Variants in ACTN1 observed in about 807,000 individuals in gnomAD.
ACTN1 encodes the protein actinin alpha 1.
In ACTN1, 30 loss-of-function variants were observed where a neutral mutation model predicts 119.6. That is an observed-to-expected ratio of 0.25 (90% CI 0.19 to 0.34). The LOEUF (loss-of-function observed/expected upper bound fraction) is 0.34, where lower values mean the gene tolerates loss of function less well. Among genes scored for constraint, ACTN1 ranks in the 10% least tolerant of loss-of-function variants. ACTN1 has a pLI of 1.00. For synonymous variants in ACTN1, 429 were observed against 472.6 expected, an observed-to-expected ratio of 0.91 and a Z score of 1.20; for missense variants, 764 against 1,223.4, an observed-to-expected ratio of 0.62 and a Z score of 5.60.
Position 68,925,698 on chromosome 14 carries a change from G to C in ACTN1, c.106-26C>G, listed in dbSNP as rs369068122. On this transcript the variant is annotated intron_variant, in intron 1 of 21. Coordinates refer to ENST00000394419, the MANE Select transcript of ACTN1 (RefSeq NM_001130004.2). The surrounding 1 kb of genome is among the most constrained non-coding windows in gnomAD (Gnocchi z 4.3). Reference sequence around the variant, plus strand: ...CTGGGCAGAGACAAGAAGGGCAAGTGGTCAGGGGGCTGGTGTTGTCACCCT... The same window carrying C: ...CTGGGCAGAGACAAGAAGGGCAAGTCGTCAGGGGGCTGGTGTTGTCACCCT... 1.3e-6 allele frequency: 2 copies of C among 1,586,580 alleles called. No homozygotes were observed. The highest frequency in any genetic ancestry group is 2.7e-5 in the African/African-American group (2 of 74,212).
chr14:68,882,630 C>A lies in ACTN1; in HGVS notation c.1819-38G>T, dbSNP rs1210968774. On this transcript the variant is annotated intron_variant, in intron 15 of 21. Coordinates refer to ENST00000394419, the MANE Select transcript of ACTN1 (RefSeq NM_001130004.2). The surrounding 1 kb of genome is among the most constrained non-coding windows in gnomAD (Gnocchi z 4.5). ...CAACAAGGCGACTTTCAGGATGGGTCAGCCATCTGTCCATGTGCCAGATGA... is the reference window on the plus strand; with the variant it reads ...CAACAAGGCGACTTTCAGGATGGGTAAGCCATCTGTCCATGTGCCAGATGA... 3 of 1,611,912 alleles carry A rather than the reference C, an allele frequency of 1.9e-6. No homozygotes were observed. Among genetic ancestry groups the A allele is most frequent in the African/African-American group, 1.3e-5 (1 of 75,030 alleles).
chr14:68,909,126 A>C lies in ACTN1; in HGVS notation c.594+192T>G, dbSNP rs17106531. 0.021 allele frequency among the ~76,000 whole-genome samples: 3,211 copies of C among 152,314 alleles called. 122 individuals are homozygous for C. Among genetic ancestry groups the C allele is most frequent in the African/African-American group, 0.072 (3,008 of 41,566 alleles). On this transcript the variant is annotated intron_variant, in intron 6 of 21. Transcript: ENST00000394419. This position sits in a 1 kb window ranked among gnomAD's most constrained non-coding sequence, Gnocchi z 4.1. ...GTGCAAGTACACACACACCACGCAC[A>C]AGGGTAATGAAGTTGCCCTAACAGG...
intron 1 of ACTN1, among the ~76,000 whole-genome samples, chr14:68,960,794 G>A (rs1037716997): frequency 6.6e-6 from 1 of 151,968 alleles, no homozygotes. Context: ...CTGAAGGAAG[G>A]GGGTGTGGTG....
chr14:68,963,273 T>A (rs1009021034), intron 1 of ACTN1, among the ~76,000 whole-genome samples: 2 of 152,236 alleles, frequency 1.3e-5, no homozygotes, highest in Non-Finnish European at 2.9e-5. Context: ...GATATCTTTG[T>A]ATATGACAAG....
chr14:68,920,007 A>G (rs955310762), intron 3 of ACTN1, among the ~76,000 whole-genome samples: 1 of 152,158 alleles, frequency 6.6e-6, no homozygotes, highest in African/African-American at 2.4e-5. Flanking sequence ...ATCTGCTCCT[A>G]TGGACTTCCC....
At chr14:68,976,454 C>T (rs2037063849) in intron 1 of ACTN1, among the ~76,000 whole-genome samples, 1 of 152,218 alleles carries the variant, frequency 6.6e-6, no homozygotes, top group African/African-American at 2.4e-5. Context: ...GAGAACTAGG[C>T]AGGCCAGAAA....
chr14:68,942,182 A>C (rs1566660957), intron 1 of ACTN1, among the ~76,000 whole-genome samples: 2 of 151,320 alleles, frequency 1.3e-5, no homozygotes, highest in Non-Finnish European at 2.9e-5. Context: ...TCCTGCAGGA[A>C]CCTACGCAAC....
intron 7 of ACTN1, among the ~76,000 whole-genome samples, chr14:68,903,638 A>C (rs2140247799): frequency 6.6e-6 from 1 of 152,094 alleles, no homozygotes; most frequent in South Asian, 2.1e-4. Context: ...GCCCTTCAGC[A>C]CTGAGCAGTT....
intron 3 of ACTN1, among the ~76,000 whole-genome samples, chr14:68,920,070 C>G (rs1307616547): frequency 6.6e-6 from 1 of 152,234 alleles, no homozygotes; most frequent in Non-Finnish European, 1.5e-5. Context: ...GGGCATTCCT[C>G]TGGTGTCACG....
rs1242603987 is a variant in ACTN1, at chr14:68,878,573, A to G, written c.2362-50T>C. 6.2e-7 allele frequency: 1 copy of G among 1,611,378 alleles called. No individual in the cohort carries two copies. ...CACAAGGAGGGTCGGGAAGGCAGGA[A>G]GAGGAAGGGCCGGCCCGGGGCCAGG... On this transcript the variant is annotated intron_variant, in intron 19 of 21. Transcript: ENST00000394419. The surrounding 1 kb of genome is among the most constrained non-coding windows in gnomAD (Gnocchi z 4.4).
intron 1 of ACTN1, among the ~76,000 whole-genome samples, chr14:68,940,085 C>T (rs982681493): frequency 8.5e-5 from 13 of 152,220 alleles, no homozygotes; most frequent in African/African-American, 2.9e-4. Context: ...GCCTCCTCCC[C>T]GGTCCTCCGG....
chr14:68,970,076 C>T (rs924818430), intron 1 of ACTN1, among the ~76,000 whole-genome samples: 4 of 152,200 alleles, frequency 2.6e-5, no homozygotes, highest in Non-Finnish European at 4.4e-5. Context: ...AAATGCTCCC[C>T]TACAAGCCCT....
At chr14:68,901,188 A>AT (rs71977197) in intron 8 of ACTN1, among the ~76,000 whole-genome samples, 1,383 of 130,016 alleles carry the variant, frequency 0.011, 21 homozygotes, top group African/African-American at 0.032. Context: ...CCCATCATGC[A>AT]TTTTTTTTTT....
At chr14:68,967,074 A>C (rs1005441681) in intron 1 of ACTN1, among the ~76,000 whole-genome samples, 1 of 152,346 alleles carries the variant, frequency 6.6e-6, no homozygotes, top group Admixed American at 6.5e-5. Flanking sequence ...GGCGCTGAGC[A>C]GCATGGCAGG....
rs181235764 is a variant in ACTN1, at chr14:68,878,693, G to A, written c.2362-170C>T. ...ATAGGAGAAGATGCGAACACACATC[G>A]GTGGAAATGTCCAAAGACAGGAGGA... On this transcript the variant is annotated intron_variant, in intron 19 of 21. Transcript: ENST00000394419. This position sits in a 1 kb window ranked among gnomAD's most constrained non-coding sequence, Gnocchi z 4.4. 3.3e-6 allele frequency: 5 copies of A among 1,538,022 alleles called. No individual in the cohort carries two copies. Among genetic ancestry groups the A allele is most frequent in the African/African-American group, 1.4e-5 (1 of 73,134 alleles).
Position 68,879,481 on chromosome 14 carries a change from C to T in ACTN1, c.2281-412G>A, listed in dbSNP as rs1209262228. On this transcript the variant is annotated intron_variant, in intron 18 of 21. Transcript: ENST00000394419. This position sits in a 1 kb window ranked among gnomAD's most constrained non-coding sequence, Gnocchi z 4.9. ...TTGGGACCGCCCGCAAGCCCCAGGG[C>T]ACTGGGAAGGGGCAGCCCACTAAAA... Among the ~76,000 whole-genome samples, 1 of 152,168 alleles carries T rather than the reference C, an allele frequency of 6.6e-6. No homozygotes were observed. Among genetic ancestry groups the T allele is most frequent in the Non-Finnish European group, 1.5e-5 (1 of 68,006 alleles).
intron 2 of ACTN1, 133 bp from the exon 3 acceptor site, chr14:68,921,258 T>A: frequency 8.9e-6 from 10 of 1,118,818 alleles, no homozygotes; most frequent in Non-Finnish European, 1.2e-5. Context: ...CGTGTGTGTG[T>A]GCTCACACGC....
chr14:68,978,609 C>T, intron 1 of ACTN1: 1 of 287,652 alleles, frequency 3.5e-6, no homozygotes, highest in Admixed American at 5.2e-5. Context: ...GGGGTCTCAG[C>T]CCCAGCCTGA....
At chr14:68,930,841 T>C (rs746271564) in intron 1 of ACTN1, among the ~76,000 whole-genome samples, 3 of 152,354 alleles carry the variant, frequency 2.0e-5, no homozygotes, top group South Asian at 4.1e-4. Flanking sequence ...ATTGTTACTA[T>C]TGCCACCACA....
Sources: allele counts gnomAD v4.1 joint callset (sites outside exome capture counted in the v4.1 genomes callset), GRCh38; gene constraint gnomAD v4.1.1; non-coding constraint Gnocchi (gnomAD v3.1); transcripts MANE v1.5; gene names NCBI Gene and HGNC (gene_info 2026-07-23, HGNC 2026-07-21).